The following VIT variants were observed in gnomAD, a reference collection of about 807,000 sequenced individuals.
VIT encodes the protein vitrin.
In VIT, 99 loss-of-function variants were observed where a neutral mutation model predicts 78.0. That is an observed-to-expected ratio of 1.27 (90% CI 1.08 to 1.50). The LOEUF is 1.50. Ranked by LOEUF, VIT falls within the 40% of genes most tolerant of loss-of-function variation. The pLI, the probability that VIT is intolerant of heterozygous loss-of-function variation, is 0.00. For missense variants in VIT, 1,126 were observed against 875.3 expected (o/e 1.29, Z -3.61); for synonymous variants, 374 against 334.3 (o/e 1.12, Z -1.29).
chr2:36,743,304 G>A, intron 4 of VIT, 48 bp downstream of exon 4: 1 of 1,499,562 alleles, frequency 6.7e-7, no homozygotes, highest in Non-Finnish European at 9.0e-7. Flanking sequence ...TCAGGGTGTT[G>A]GCAGGGAGCC....
At chr2:36,716,058 G>C (rs1666114546) in intron 1 of VIT, among the ~76,000 whole-genome samples, 1 of 152,082 alleles carries the variant, frequency 6.6e-6, no homozygotes, top group Admixed American at 6.5e-5. Context: ...AGACTACTTG[G>C]ACATATTCTC....
chr2:36,812,487 C>G (rs529896278), intron 15 of VIT, among the ~76,000 whole-genome samples: 88 of 152,280 alleles, frequency 5.8e-4, no homozygotes, highest in African/African-American at 2.1e-3. Flanking sequence ...CCCACCACCC[C>G]GGGCAGTCTC....
At chr2:36,755,953 G>A (rs1370950044) in intron 5 of VIT, among the ~76,000 whole-genome samples, 2 of 49,636 alleles carry the variant, frequency 4.0e-5, no homozygotes, top group Non-Finnish European at 8.4e-5. Flanking sequence ...GGACAACACA[G>A]TATTTTTTTT....
At chr2:36,790,052 A>G (rs932694304) in intron 12 of VIT, among the ~76,000 whole-genome samples, 3 of 152,362 alleles carry the variant, frequency 2.0e-5, no homozygotes, top group Admixed American at 6.5e-5. Flanking sequence ...AACTTGAAAG[A>G]CAAATTTAGA....
chr2:36,780,748 C>A (rs576432800), intron 9 of VIT, among the ~76,000 whole-genome samples: 1 of 151,414 alleles, frequency 6.6e-6, no homozygotes, highest in Non-Finnish European at 1.5e-5. Flanking sequence ...AAGCTGATAG[C>A]CTTTAAGAAA....
intron 8 of VIT, 37 bp from the exon 9 acceptor site, chr2:36,774,965 T>C (rs540271241): frequency 6.2e-7 from 1 of 1,608,320 alleles, no homozygotes; most frequent in South Asian, 1.1e-5. Flanking sequence ...GCCTGCTGGT[T>C]GTGTGTAAAT....
chr2:36,743,390 A>G (rs977105953), intron 4 of VIT, 134 bp downstream of exon 4: 2 of 1,025,974 alleles, frequency 1.9e-6, no homozygotes, highest in African/African-American at 3.2e-5. Flanking sequence ...TTTAATCTTC[A>G]TTTAAAAAGT....
chr2:36,781,579 G>T (rs554582561), intron 9 of VIT, 148 bp from the exon 10 acceptor site: 1 of 696,374 alleles, frequency 1.4e-6, no homozygotes, highest in Non-Finnish European at 2.4e-6. Context: ...CAGATTTCAG[G>T]TTGCTTCATC....
At chr2:36,787,983 T>G (rs964920637) in intron 12 of VIT, 4 of 321,506 alleles carry the variant, frequency 1.2e-5, no homozygotes, top group African/African-American at 8.9e-5. Flanking sequence ...AAATCACTCT[T>G]ATTTCAGATA....
intron 4 of VIT, among the ~76,000 whole-genome samples, chr2:36,754,515 T>C (rs1447707814): frequency 6.6e-6 from 1 of 152,202 alleles, no homozygotes; most frequent in Non-Finnish European, 1.5e-5. Flanking sequence ...AAAAGGAGTG[T>C]TTACTTTTCA....
At chr2:36,813,686 C>A (rs761207377) in intron 15 of VIT, among the ~76,000 whole-genome samples, 1 of 152,158 alleles carries the variant, frequency 6.6e-6, no homozygotes, top group South Asian at 2.1e-4. Context: ...TGATTCCATT[C>A]CACTGTTTTA....
chr2:36,724,630 T>G (rs12470753), intron 2 of VIT, among the ~76,000 whole-genome samples: 83,685 of 152,004 alleles, frequency 0.55, 23,471 homozygotes, highest in Admixed American at 0.65. Context: ...TTAATTATAA[T>G]CACAGAAGCT....
intron 6 of VIT, among the ~76,000 whole-genome samples, chr2:36,765,399 T>C (rs1162683171): frequency 7.2e-6 from 1 of 139,614 alleles, no homozygotes; most frequent in East Asian, 2.1e-4. Flanking sequence ...CAGGCATGTC[T>C]TACATGGCAG....
chr2:36,735,414 A>G (rs2372711), intron 3 of VIT, among the ~76,000 whole-genome samples: 15,476 of 152,214 alleles, frequency 0.1, 2,261 homozygotes, highest in African/African-American at 0.32. Flanking sequence ...CAAACTGCCA[A>G]TTGCTGGGGT....
intron 2 of VIT, among the ~76,000 whole-genome samples, chr2:36,729,047 T>C (rs1667034234): frequency 6.6e-6 from 1 of 152,176 alleles, no homozygotes; most frequent in Non-Finnish European, 1.5e-5. Context: ...ATTTTTACTA[T>C]ACCTTTTTTA....
chr2:36,790,240 C>T (rs1665393277), intron 12 of VIT, among the ~76,000 whole-genome samples: 4 of 152,148 alleles, frequency 2.6e-5, no homozygotes. Context: ...AAGGGAGATT[C>T]GTGGAAAGGA....
chr2:36,736,180 C>G (rs1667499148), intron 3 of VIT, among the ~76,000 whole-genome samples: 1 of 152,142 alleles, frequency 6.6e-6, no homozygotes, highest in Non-Finnish European at 1.5e-5. Flanking sequence ...CAGTTTCTAA[C>G]AGATTACCAA....
chr2:36,721,667 T>C (rs1235206058), intron 2 of VIT, among the ~76,000 whole-genome samples: 3 of 152,198 alleles, frequency 2.0e-5, no homozygotes. Context: ...TCCCCTGCTC[T>C]TGTCACTCAC....
intron 6 of VIT, among the ~76,000 whole-genome samples, chr2:36,765,525 C>T (rs558511746): frequency 6.6e-6 from 1 of 152,214 alleles, no homozygotes; most frequent in Non-Finnish European, 1.5e-5. Context: ...GGACACCGCC[C>T]CCATGATCCA....
Sources: allele counts gnomAD v4.1 joint callset (sites outside exome capture counted in the v4.1 genomes callset), GRCh38; gene constraint gnomAD v4.1.1; transcripts MANE v1.5; gene names NCBI Gene and HGNC (gene_info 2026-07-23, HGNC 2026-07-21).